The following PAM variants were observed in gnomAD, a reference collection of about 807,000 sequenced individuals.
PAM encodes peptidyl-glycine alpha-amidating monooxygenase.
Under a neutral mutation model 122.1 loss-of-function variants are expected in PAM, and 72 were observed. The observed-to-expected ratio is 0.59, with a 90% CI of 0.49 to 0.72. The LOEUF (loss-of-function observed/expected upper bound fraction) is 0.72, where lower values mean the gene tolerates loss of function less well. Among genes scored for constraint, PAM ranks in the 30% least tolerant of loss-of-function variants. The pLI is 0.00. For missense variants in PAM, 1,106 were observed against 1,183.7 expected (o/e 0.93, Z 0.96); for synonymous variants, 389 against 404.4 (o/e 0.96, Z 0.46).
At chr5:102,993,344 C>T (rs1270960406) in intron 16 of PAM, among the ~76,000 whole-genome samples, 6 of 152,084 alleles carry the variant, frequency 3.9e-5, no homozygotes, top group Admixed American at 6.6e-5. Context: ...ATAACTGTTC[C>T]TGAGTTTCTG....
Position 102,908,720 on chromosome 5 carries a change from T to C in PAM, c.269-5214T>C, listed in dbSNP as rs1800442592. ...TACCCTAAAACTTAAAGTATAATAATAAAAGAAAAAAAAATAATAAATAAA... is the reference window on the plus strand; with the variant it reads ...TACCCTAAAACTTAAAGTATAATAACAAAAGAAAAAAAAATAATAAATAAA... On this transcript the variant is annotated intron_variant, in intron 4 of 25. Coordinates refer to ENST00000438793, the MANE Select transcript of PAM (RefSeq NM_001177306.2). Among the ~76,000 whole-genome samples, 3 of 146,956 alleles carry C rather than the reference T, an allele frequency of 2.0e-5. No homozygotes were observed. In the East Asian group the frequency reaches 6.0e-4, roughly 29 times the overall value.
At chr5:102,977,475 A>G (rs1275168323) in intron 15 of PAM, among the ~76,000 whole-genome samples, 1 of 152,040 alleles carries the variant, frequency 6.6e-6, no homozygotes, top group African/African-American at 2.4e-5. Context: ...TTTAGGTTTT[A>G]TCTTCATGAC....
At chr5:102,984,577 G>A (rs1264947788) in intron 15 of PAM, among the ~76,000 whole-genome samples, 1 of 152,122 alleles carries the variant, frequency 6.6e-6, no homozygotes, top group East Asian at 1.9e-4. Context: ...CGTCACTGGT[G>A]CACAGAGATA....
rs1250971902 is a variant in PAM, at chr5:103,007,537, T to G, written c.2095T>G (p.Cys699Gly). The G allele has an allele frequency of 6.2e-7, 1 of 1,614,120 alleles. No homozygotes were observed. The highest frequency in any genetic ancestry group is 8.5e-7 in the Non-Finnish European group (1 of 1,179,990). Residue 699 changes from cysteine to glycine, a missense_variant, in exon 20 of 26, where the codon TGT becomes GGT. Physicochemically the swap from Cys to Gly is radical, Grantham distance 159 (BLOSUM62 -3). Coordinates refer to ENST00000438793, the MANE Select transcript of PAM (RefSeq NM_001177306.2). ...LALVPLLGQL[C>G]VADRENGRIQ... is the part of the protein sequence containing the mutation. ...TCTTGTGCCTCTTTTGGGCCAATTA[T>G]GTGTGGCAGACCGGGAAAATGGTCG...
intron 9 of PAM, among the ~76,000 whole-genome samples, chr5:102,948,921 C>T (rs761827615): frequency 1.3e-5 from 2 of 151,932 alleles, no homozygotes; most frequent in Admixed American, 1.3e-4. Context: ...TTACTAGAAG[C>T]GATGAGAATA....
chr5:102,791,416 A>C (rs1762025188), intron 1 of PAM, among the ~76,000 whole-genome samples: 1 of 152,068 alleles, frequency 6.6e-6, no homozygotes, highest in Admixed American at 6.6e-5. Context: ...ATACGTTATA[A>C]CTTGGATTGA....
intron 5 of PAM, among the ~76,000 whole-genome samples, chr5:102,915,749 G>A (rs1802911566): frequency 6.6e-6 from 1 of 152,104 alleles, no homozygotes; most frequent in African/African-American, 2.4e-5. Flanking sequence ...GGGAATGAGT[G>A]AGAAAATAAC....
At chr5:102,904,238 C>T (rs952042133) in intron 4 of PAM, among the ~76,000 whole-genome samples, 8 of 151,500 alleles carry the variant, frequency 5.3e-5, no homozygotes, top group African/African-American at 1.7e-4. Context: ...GCTGTAAAAA[C>T]CCATAATACT....
chr5:102,950,957 T>G, intron 12 of PAM, 137 bp downstream of exon 12: 1 of 591,450 alleles, frequency 1.7e-6, no homozygotes, highest in Non-Finnish European at 3.0e-6. Context: ...TGGCATTTTA[T>G]CATTTCAAAG....
intron 1 of PAM, among the ~76,000 whole-genome samples, chr5:102,804,531 A>T (rs1296895852): frequency 6.6e-6 from 1 of 152,216 alleles, no homozygotes; most frequent in Non-Finnish European, 1.5e-5. Flanking sequence ...TCATTAAGTC[A>T]GTATGAATTA....
At chr5:102,861,424 A>C (rs753395434) in intron 1 of PAM, among the ~76,000 whole-genome samples, 2 of 152,342 alleles carry the variant, frequency 1.3e-5, no homozygotes, top group Non-Finnish European at 2.9e-5. Flanking sequence ...GAAACATAAA[A>C]CAAACACTGA....
intron 2 of PAM, 76 bp from the exon 3 acceptor site, chr5:102,867,197 T>C: frequency 1.0e-6 from 1 of 977,074 alleles, no homozygotes; most frequent in East Asian, 2.4e-5. Flanking sequence ...GTCATAGAAT[T>C]CCTTTCTTTC....
intron 1 of PAM, among the ~76,000 whole-genome samples, chr5:102,860,195 C>A (rs1434036331): frequency 6.6e-6 from 1 of 152,016 alleles, no homozygotes; most frequent in Non-Finnish European, 1.5e-5. Flanking sequence ...GCATTGGAGC[C>A]CATATTAGGT....
At chr5:102,966,588 A>G (rs907542300) in intron 14 of PAM, among the ~76,000 whole-genome samples, 1 of 152,192 alleles carries the variant, frequency 6.6e-6, no homozygotes, top group African/African-American at 2.4e-5. Context: ...ATAAGTAAAC[A>G]ATCAATAAAC....
intron 7 of PAM, among the ~76,000 whole-genome samples, chr5:102,936,479 CTAAACAAAATATTATT>C: frequency 6.6e-6 from 1 of 152,022 alleles, no homozygotes; most frequent in Non-Finnish European, 1.5e-5. Context: ...TGTTGTTTCA[CTAAACAAAATATTATT>C]TCACTAAACA....
chr5:103,004,829 T>C (rs529256878), intron 17 of PAM, among the ~76,000 whole-genome samples: 5 of 152,364 alleles, frequency 3.3e-5, no homozygotes, highest in African/African-American at 1.2e-4. Flanking sequence ...ATTTGTAAGA[T>C]GTTAACACTT....
At chr5:102,931,571 C>A (rs1273902840) in intron 7 of PAM, among the ~76,000 whole-genome samples, 2 of 152,152 alleles carry the variant, frequency 1.3e-5, no homozygotes, top group African/African-American at 4.8e-5. Context: ...TTTAGAATTT[C>A]TGGCATTAGC....
Position 102,867,275 on chromosome 5 carries a change from T to A in PAM, c.92T>A (p.Phe31Tyr), listed in dbSNP as rs114014768. ...FRSPLSVFKR[F>Y]KETTRPFSNE... ...TTGAAATTGCCCTCTTTTTTAAGGT[T>A]TAAAGAAACTACCAGACCATTTTCC... The change falls in exon 3 of 26, where the codon TTT (phenylalanine) becomes TAT (tyrosine). Residue 31 changes from phenylalanine (F) to tyrosine (Y), a missense_variant and splice_region_variant. By Grantham distance (22) the Phe-to-Tyr change is conservative. This residue lies in a region of PAM where 670 missense variants were observed against 690.3 expected (regional missense o/e 0.97). Transcript: ENST00000438793. 2,992 of 1,599,074 alleles carry A rather than the reference T, an allele frequency of 1.9e-3. 33 individuals carry two copies. The African/African-American group carries it at 0.029, about 15-fold the overall frequency.
chr5:102,845,944 G>T (rs766606901), intron 1 of PAM, among the ~76,000 whole-genome samples: 1 of 152,264 alleles, frequency 6.6e-6, no homozygotes, highest in South Asian at 2.1e-4. Flanking sequence ...CACATTTGGT[G>T]GTGCATTTGC....
Sources: gnomAD v4.1 joint callset for allele counts (sites outside exome capture counted in the v4.1 genomes callset) on GRCh38, gnomAD v4.1.1 for gene constraint, gnomAD v4.1.1 regional missense constraint, MANE v1.5 for transcripts, NCBI Gene and HGNC (gene_info 2026-07-23, HGNC 2026-07-21) for gene names.